Variants in USH1C observed in about 807,000 individuals in gnomAD.
The protein encoded by USH1C is harmonin.
Under a neutral mutation model 119.3 loss-of-function variants are expected in USH1C, and 90 were observed. The observed-to-expected ratio is 0.75, with a 90% CI of 0.64 to 0.90. The LOEUF is 0.90. USH1C is among the 40% of genes least tolerant of loss of function. The pLI is 0.00. For synonymous variants in USH1C, 465 were observed against 443.3 expected, an observed-to-expected ratio of 1.05 and a Z score of -0.62; for missense variants, 1,165 against 1,167.7, an observed-to-expected ratio of 1.00 and a Z score of 0.03.
At chr11:17,510,589 T>C in intron 16 of USH1C, 68 bp from the exon 17 acceptor site, 1 of 1,191,976 alleles carries the variant, frequency 8.4e-7, no homozygotes, top group Non-Finnish European at 1.3e-6. Context: ...TGGATAGAAA[T>C]AGCATGAAAG....
chr11:17,529,061 T>C (rs1369881734), intron 4 of USH1C, among the ~76,000 whole-genome samples: 1 of 152,040 alleles, frequency 6.6e-6, no homozygotes, highest in Non-Finnish European at 1.5e-5. Flanking sequence ...TGTCTGGAAG[T>C]AGAAAAGAAG....
At chr11:17,504,999 T>C (rs1591969889) in intron 19 of USH1C, among the ~76,000 whole-genome samples, 1 of 152,208 alleles carries the variant, frequency 6.6e-6, no homozygotes, top group Non-Finnish European at 1.5e-5. Context: ...AAAATAAATA[T>C]CTCAGCTGTC....
chr11:17,527,663 C>T lies in USH1C; in HGVS notation c.388-332G>A, dbSNP rs1025770314. Among the ~76,000 whole-genome samples the T allele has an allele frequency of 5.9e-5, 9 of 152,210 alleles. No homozygotes were observed. The East Asian group carries it at 1.2e-3, about 20-fold the overall frequency. ...TAGTGCCCCTTTCACTCCACTGGGG[C>T]ACCATCAGATTCTGGATTCTATGCA... On this transcript the variant is annotated intron_variant, in intron 4 of 26. Coordinates refer to ENST00000005226, the MANE Select transcript of USH1C (RefSeq NM_153676.4).
intron 18 of USH1C, among the ~76,000 whole-genome samples, chr11:17,506,854 C>A (rs1849669741): frequency 6.6e-6 from 1 of 152,144 alleles, no homozygotes; most frequent in South Asian, 2.1e-4. Flanking sequence ...TTGTTCCCCA[C>A]CAGACTGTCT....
Position 17,509,756 on chromosome 11 carries a change from A to G in USH1C, c.1613T>C (p.Leu538Pro). The change falls in exon 18 of 27, where the codon CTG becomes CCG. Residue 538 changes from leucine to proline, a missense_variant. Physicochemically the swap from Leu to Pro is moderately conservative, Grantham distance 98 (BLOSUM62 -3). Transcript: ENST00000005226. ...GATGTCGTCCAGGTCAGTGGTGTGC[A>G]GGTGCAGTCCGCCTGCGAAGCGTCT... ...PLRRFAGGLH[L>P]HTTDLDDIPL... The G allele has an allele frequency of 6.4e-7, 1 of 1,558,742 alleles. No individual in the cohort carries two copies. The highest frequency in any genetic ancestry group is 8.7e-7 in the Non-Finnish European group (1 of 1,153,896).
intron 4 of USH1C, among the ~76,000 whole-genome samples, chr11:17,527,699 T>A (rs1445951055): frequency 6.6e-6 from 1 of 152,188 alleles, no homozygotes. Flanking sequence ...AAGGGTGACA[T>A]TTCACTCAGC....
chr11:17,501,231 G>A, intron 22 of USH1C, 81 bp from the exon 23 acceptor site: 1 of 1,235,046 alleles, frequency 8.1e-7, no homozygotes, highest in Non-Finnish European at 1.2e-6. Flanking sequence ...TCTCTTGACA[G>A]AGCCACAGTA....
At chr11:17,506,993 A>G (rs1362337557) in intron 18 of USH1C, among the ~76,000 whole-genome samples, 1 of 152,228 alleles carries the variant, frequency 6.6e-6, no homozygotes, top group Non-Finnish European at 1.5e-5. Context: ...GTATGGTGAG[A>G]ACATGGGACA....
intron 1 of USH1C, among the ~76,000 whole-genome samples, chr11:17,541,513 G>A (rs1403043356): frequency 1.3e-5 from 2 of 152,212 alleles, no homozygotes; most frequent in Non-Finnish European, 2.9e-5. Context: ...ATGCATGATT[G>A]CTGAAGAGGC....
intron 15 of USH1C, among the ~76,000 whole-genome samples, chr11:17,513,502 C>T (rs1335877895): frequency 6.6e-6 from 1 of 152,172 alleles, no homozygotes; most frequent in Non-Finnish European, 1.5e-5. Context: ...AGGGACTCTT[C>T]CTAGCTCCTC....
chr11:17,494,106 A>C lies in USH1C; in HGVS notation c.*226T>G. 1 of 591,478 alleles carries C rather than the reference A, an allele frequency of 1.7e-6. No homozygotes were observed. The highest frequency in any genetic ancestry group is 3.0e-6 in the Non-Finnish European group (1 of 328,888). The allele number at this position is 591,478 out of a possible 1,614,324, so 36.6% of individuals were successfully genotyped here. On this transcript the variant is annotated 3_prime_UTR_variant, in exon 27 of 27. Transcript: ENST00000005226. ...AAAGGAATGAGAGTCTGGATCCTTG[A>C]GATCTTCTCCCAAATGGCTGGCTGC...
intron 1 of USH1C, among the ~76,000 whole-genome samples, chr11:17,543,761 A>C (rs1289787797): frequency 6.6e-6 from 1 of 151,858 alleles, no homozygotes; most frequent in Non-Finnish European, 1.5e-5. Context: ...TACTTCTCAG[A>C]CCCTAAGAAA....
chr11:17,544,317 A>C lies in USH1C; in HGVS notation c.-10T>G. On this transcript the variant is annotated 5_prime_UTR_variant, in exon 1 of 27. Transcript: ENST00000005226. ...CCACTTTTCGGTCCATGGCTGGGCC[A>C]GGTCCAGCTGCGTCGTTGCACGACC... The C allele has an allele frequency of 6.2e-7, 1 of 1,613,998 alleles. No individual in the cohort carries two copies.
chr11:17,511,964 T>C lies in USH1C; in HGVS notation c.1351A>G (p.Lys451Glu). 6.2e-7 allele frequency: 1 copy of C among 1,614,252 alleles called. No homozygotes were observed. The highest frequency in any genetic ancestry group is 1.3e-5 in the African/African-American group (1 of 75,068). Residue 451 changes from lysine (K) to glutamate (E), a missense_variant, in exon 16 of 27, where the codon AAA becomes GAA. Transcript: ENST00000005226. ...KELEFEQKLYKEKEEMLEKEK... is the reference protein window; with the variant it reads ...KELEFEQKLYEEKEEMLEKEK... Reference sequence around the variant, plus strand: ...TTCTCCAGCATTTCCTCTTTCTCTTTGTAAAGCTTTTGCTCAAACTCCAGT... The same window carrying C: ...TTCTCCAGCATTTCCTCTTTCTCTTCGTAAAGCTTTTGCTCAAACTCCAGT...
At chr11:17,494,528 TG>T (rs1445653586) in intron 26 of USH1C, 152 bp from the exon 27 acceptor site, 2 of 821,834 alleles carry the variant, frequency 2.4e-6, no homozygotes, top group Non-Finnish European at 4.1e-6. Flanking sequence ...AGGCCCCAAG[TG>T]GCTACACACC....
At chr11:17,502,631 G>T (rs1295481987) in intron 20 of USH1C, among the ~76,000 whole-genome samples, 1 of 152,244 alleles carries the variant, frequency 6.6e-6, no homozygotes, top group Non-Finnish European at 1.5e-5. Context: ...TTAGCTAGGG[G>T]AGAAGGGAGG....
chr11:17,520,263 GA>G (rs1229269619), intron 14 of USH1C, among the ~76,000 whole-genome samples: 1 of 152,164 alleles, frequency 6.6e-6, no homozygotes, highest in Non-Finnish European at 1.5e-5. Flanking sequence ...ATGAAGAGAG[GA>G]GATGGTAAGG....
chr11:17,526,893 C>T, intron 6 of USH1C, 83 bp from the exon 7 acceptor site: 1 of 1,585,672 alleles, frequency 6.3e-7, no homozygotes, highest in Non-Finnish European at 8.6e-7. Flanking sequence ...TCCACCATGT[C>T]TAGAGCCTCC....
chr11:17,505,367 C>T (rs1849609272), intron 19 of USH1C, among the ~76,000 whole-genome samples: 1 of 152,260 alleles, frequency 6.6e-6, no homozygotes, highest in Non-Finnish European at 1.5e-5. Flanking sequence ...ACGAGGGTAA[C>T]AGCGTGGGCT....
Sources: allele counts gnomAD v4.1 joint callset (sites outside exome capture counted in the v4.1 genomes callset), GRCh38; gene constraint gnomAD v4.1.1; transcripts MANE v1.5; gene names NCBI Gene and HGNC (gene_info 2026-07-23, HGNC 2026-07-21).